Variants in RABGAP1L observed in about 807,000 individuals in gnomAD.
RABGAP1L encodes the protein rab GTPase-activating protein 1-like.
A neutral mutation model predicts 137.7 loss-of-function variants in RABGAP1L; 63 were observed. That is an observed-to-expected ratio of 0.46 (90% CI 0.37 to 0.56). RABGAP1L has a LOEUF of 0.56. RABGAP1L is among the 20% of genes least tolerant of loss of function. RABGAP1L has a pLI of 0.00. For synonymous variants in RABGAP1L, 431 were observed against 433.7 expected, an observed-to-expected ratio of 0.99 and a Z score of 0.08; for missense variants, 1,095 against 1,244.0, an observed-to-expected ratio of 0.88 and a Z score of 1.80.
intron 14 of RABGAP1L, among the ~76,000 whole-genome samples, chr1:174,649,990 C>T (rs1675324479): frequency 2.0e-5 from 3 of 152,040 alleles, no homozygotes; most frequent in South Asian, 2.1e-4. Flanking sequence ...TAGCTCTTAT[C>T]ATTTTGAGAT....
intron 17 of RABGAP1L, among the ~76,000 whole-genome samples, chr1:174,729,078 T>C (rs372413119): frequency 6.6e-6 from 1 of 152,164 alleles, no homozygotes; most frequent in Non-Finnish European, 1.5e-5. Flanking sequence ...TCAAATATAC[T>C]GTAAGGCTAT....
chr1:174,261,521 AT>A (rs1327814285), intron 7 of RABGAP1L, among the ~76,000 whole-genome samples: 1 of 152,044 alleles, frequency 6.6e-6, no homozygotes, highest in Non-Finnish European at 1.5e-5. Flanking sequence ...TCCTTGTGTT[AT>A]TTTCTTGAGG....
intron 13 of RABGAP1L, among the ~76,000 whole-genome samples, chr1:174,399,909 A>G (rs774057734): frequency 3.2e-4 from 49 of 152,148 alleles, no homozygotes; most frequent in Non-Finnish European, 5.7e-4. Flanking sequence ...GGGAACTACA[A>G]TTCAAATGAG....
At position 174,978,824 on chromosome 1, in the gene RABGAP1L, G is replaced by C; in HGVS notation, c.2667G>C (p.Arg889Ser). The change falls in exon 23 of 26, where the codon AGG becomes AGC. Residue 889 changes from arginine (R) to serine (S), a missense_variant. Physicochemically the swap from Arg to Ser is moderately radical, Grantham distance 110. This residue lies in a region of RABGAP1L where 312 missense variants were observed against 435.6 expected (regional missense o/e 0.72). Coordinates refer to ENST00000681986, the MANE Select transcript of RABGAP1L (RefSeq NM_001366446.1). ...CTTTCTAGCTAAAAGAAGTCTTCAG[G>C]AAACAGCTAGAGAAGGCAGAATATG... ...EETAQLKEVF[R>S]KQLEKAEYEI... The C allele has an allele frequency of 6.5e-7, 1 of 1,540,108 alleles. No individual in the cohort carries two copies. Among genetic ancestry groups the C allele is most frequent in the Non-Finnish European group, 8.7e-7 (1 of 1,143,738 alleles).
At chr1:174,556,514 A>G (rs375656200) in intron 13 of RABGAP1L, among the ~76,000 whole-genome samples, 2 of 152,048 alleles carry the variant, frequency 1.3e-5, no homozygotes, top group African/African-American at 4.8e-5. Flanking sequence ...CCCATCCTGT[A>G]CTCTTCTCTT....
chr1:174,517,789 T>C (rs918958669), intron 13 of RABGAP1L, among the ~76,000 whole-genome samples: 1 of 152,230 alleles, frequency 6.6e-6, no homozygotes, highest in African/African-American at 2.4e-5. Flanking sequence ...TTTTATACCT[T>C]TACACAGTTG....
intron 17 of RABGAP1L, among the ~76,000 whole-genome samples, chr1:174,716,912 C>A (rs969442224): frequency 6.6e-6 from 1 of 152,108 alleles, no homozygotes; most frequent in Non-Finnish European, 1.5e-5. Context: ...TTACTTACTT[C>A]GTGTAGTTGT....
intron 15 of RABGAP1L, among the ~76,000 whole-genome samples, chr1:174,685,224 T>C (rs1364045513): frequency 1.3e-5 from 2 of 152,070 alleles, no homozygotes; most frequent in Non-Finnish European, 2.9e-5. Context: ...GGAAAAAGTT[T>C]AGGAGTTGAT....
intron 13 of RABGAP1L, among the ~76,000 whole-genome samples, chr1:174,403,477 A>T (rs1328995045): frequency 2.0e-5 from 3 of 152,044 alleles, no homozygotes; most frequent in Admixed American, 6.6e-5. Flanking sequence ...CAACATTCTA[A>T]GCCTCAGTTT....
chr1:174,821,022 GAAA>G (rs57317428), intron 19 of RABGAP1L, among the ~76,000 whole-genome samples: 23 of 146,686 alleles, frequency 1.6e-4, no homozygotes, highest in Non-Finnish European at 2.2e-4. Context: ...ATCTCAAAAA[GAAA>G]AAAAAAAAAA....
chr1:174,322,965 A>AC (rs1183263465), intron 11 of RABGAP1L, among the ~76,000 whole-genome samples: 1 of 152,174 alleles, frequency 6.6e-6, no homozygotes, highest in African/African-American at 2.4e-5. Context: ...AATGTCATCC[A>AC]AAAATGCCAT....
rs769977787 is a variant in RABGAP1L, at chr1:174,448,163, A to C, written c.1710+54018A>C. The C allele has an allele frequency of 4.3e-6, 7 of 1,613,298 alleles. No individual in the cohort carries two copies. The African/African-American group carries it at 9.3e-5, about 22-fold the overall frequency. On this transcript the variant is annotated intron_variant, in intron 13 of 25. Coordinates refer to ENST00000681986, the MANE Select transcript of RABGAP1L (RefSeq NM_001366446.1). The surrounding 1 kb of genome is among the most constrained non-coding windows in gnomAD (Gnocchi z 4.2). ...GAGGATCCTGAACATGAGCAGTGGC[A>C]TTGTGAATGTGTCCGAGCGTCACTC...
At chr1:174,815,763 A>G (rs1013147016) in intron 19 of RABGAP1L, among the ~76,000 whole-genome samples, 4 of 152,252 alleles carry the variant, frequency 2.6e-5, no homozygotes, top group African/African-American at 9.6e-5. Context: ...CATTTTCAAT[A>G]GCTTCTAAAC....
chr1:174,549,520 T>C lies in RABGAP1L; in HGVS notation c.1711-87855T>C, dbSNP rs1388099747. ...AAAGCCACTGCAAGTCTCTACAAAG[T>C]TGGCCACCATTCCAGGCTAAATTTT... On this transcript the variant is annotated intron_variant, in intron 13 of 25. Transcript: ENST00000681986. Among the ~76,000 whole-genome samples, 6 of 152,192 alleles carry C rather than the reference T, an allele frequency of 3.9e-5. No individual in the cohort carries two copies. The East Asian group carries it at 1.2e-3, about 29-fold the overall frequency.
chr1:174,572,691 T>A (rs995600127), intron 13 of RABGAP1L, among the ~76,000 whole-genome samples: 1 of 152,158 alleles, frequency 6.6e-6, no homozygotes. Flanking sequence ...AACGTTGTGT[T>A]TTTAAATACG....
chr1:174,804,401 G>A (rs2148833354), intron 18 of RABGAP1L, among the ~76,000 whole-genome samples: 1 of 151,764 alleles, frequency 6.6e-6, no homozygotes, highest in East Asian at 2.0e-4. Flanking sequence ...CTCCTGAGCA[G>A]CTGGGACTAC....
chr1:174,740,033 T>C (rs947813531), intron 17 of RABGAP1L, among the ~76,000 whole-genome samples: 15 of 152,178 alleles, frequency 9.9e-5, no homozygotes, highest in African/African-American at 3.4e-4. Flanking sequence ...TAAAGTTCAC[T>C]CTGTATTTTT....
intron 19 of RABGAP1L, among the ~76,000 whole-genome samples, chr1:174,830,080 T>C (rs1691949318): frequency 6.8e-6 from 1 of 147,968 alleles, no homozygotes; most frequent in Non-Finnish European, 1.5e-5. Flanking sequence ...GGGCCCCTCT[T>C]TCCCCATGCT....
At chr1:174,711,171 G>A (rs1334497448) in intron 17 of RABGAP1L, among the ~76,000 whole-genome samples, 1 of 152,028 alleles carries the variant, frequency 6.6e-6, no homozygotes, top group Admixed American at 6.5e-5. Context: ...CGGAACTCAC[G>A]CTGGCCCGCA....
Sources: gnomAD v4.1 joint callset for allele counts (sites outside exome capture counted in the v4.1 genomes callset) on GRCh38, gnomAD v4.1.1 for gene constraint, gnomAD v4.1.1 regional missense constraint, Gnocchi (gnomAD v3.1) non-coding constraint, MANE v1.5 for transcripts, NCBI Gene and HGNC (gene_info 2026-07-23, HGNC 2026-07-21) for gene names.